EYS: variants seen among roughly 807,000 people sequenced by gnomAD.
The protein encoded by EYS is EGF-like photoreceptor maintenance factor, also known as protein eyes shut homolog.
A neutral mutation model predicts 282.1 loss-of-function variants in EYS; 250 were observed. The ratio of observed to expected loss-of-function variants is 0.89; its 90% CI spans 0.80 to 0.98. EYS has a LOEUF of 0.98. Ranked by LOEUF, EYS falls within the 50% of genes least tolerant of loss-of-function variation. The pLI, the probability that EYS is intolerant of heterozygous loss-of-function variation, is 0.00. For missense variants in EYS, 4,016 were observed against 3,709.0 expected, an observed-to-expected ratio of 1.08 and a Z score of -2.15; for synonymous variants, 1,355 against 1,282.9, an observed-to-expected ratio of 1.06 and a Z score of -1.20.
chr6:63,944,752 C>A (rs1277756328), intron 35 of EYS, among the ~76,000 whole-genome samples: 1 of 151,914 alleles, frequency 6.6e-6, no homozygotes, highest in African/African-American at 2.4e-5. Flanking sequence ...GTGGCAAAAC[C>A]CCGTCTCTAC....
intron 26 of EYS, among the ~76,000 whole-genome samples, chr6:64,531,234 C>A (rs1309611213): frequency 6.6e-6 from 1 of 152,110 alleles, no homozygotes; most frequent in African/African-American, 2.4e-5. Context: ...ATTACTCCCT[C>A]CTAAGAATAA....
At chr6:63,965,581 T>A (rs1003702435) in intron 35 of EYS, among the ~76,000 whole-genome samples, 2 of 152,216 alleles carry the variant, frequency 1.3e-5, no homozygotes, top group Admixed American at 6.5e-5. Context: ...CAGGTCTGCA[T>A]GAAAATGTAT....
chr6:65,100,401 G>C (rs1364149089), intron 12 of EYS, among the ~76,000 whole-genome samples: 1 of 150,610 alleles, frequency 6.6e-6, no homozygotes, highest in Non-Finnish European at 1.5e-5. Flanking sequence ...GGCATTCTAA[G>C]ATGAATGCAC....
At position 65,496,005 on chromosome 6, in the gene EYS, A is replaced by T. The variant is rs1476834985; in HGVS notation, c.-332-12T>A. The T allele has an allele frequency of 6.5e-6, 1 of 153,222 alleles. No individual in the cohort carries two copies. The highest frequency in any genetic ancestry group is 2.4e-5 in the African/African-American group (1 of 41,460). The allele number at this position is 153,222 out of a possible 1,614,324, so 9.5% of individuals were successfully genotyped here. ...TTTTCAAAAAACACCTTTAAAACGT[A>T]GAAGAGTAAACACCATTTAAACATA... On this transcript the variant is annotated splice_polypyrimidine_tract_variant and intron_variant, in intron 2 of 42. Transcript: ENST00000503581.
intron 12 of EYS, among the ~76,000 whole-genome samples, chr6:65,245,836 T>C (rs1220279962): frequency 1.3e-5 from 2 of 152,058 alleles, no homozygotes; most frequent in Non-Finnish European, 2.9e-5. Flanking sequence ...CTGAGGCCTC[T>C]TTTTCTGGCC....
At chr6:63,841,248 A>G (rs533957796) in intron 36 of EYS, among the ~76,000 whole-genome samples, 6 of 152,330 alleles carry the variant, frequency 3.9e-5, no homozygotes, top group African/African-American at 1.4e-4. Flanking sequence ...TAACATAATC[A>G]GTAATCATTT....
intron 15 of EYS, among the ~76,000 whole-genome samples, chr6:64,925,384 G>T (rs1269408286): frequency 6.6e-6 from 1 of 152,088 alleles, no homozygotes; most frequent in African/African-American, 2.4e-5. Context: ...TCTATCAGTG[G>T]AATAGACTCT....
chr6:65,337,182 A>C (rs1164962193), intron 10 of EYS, among the ~76,000 whole-genome samples: 1 of 151,510 alleles, frequency 6.6e-6, no homozygotes, highest in East Asian at 1.9e-4. Context: ...TTCTACATAG[A>C]GCTCAAAACA....
intron 12 of EYS, among the ~76,000 whole-genome samples, chr6:65,069,157 A>T (rs1773835225): frequency 6.6e-6 from 1 of 151,578 alleles, no homozygotes; most frequent in South Asian, 2.1e-4. Flanking sequence ...GTTTTGGGGG[A>T]TTCAGTATCT....
intron 33 of EYS, among the ~76,000 whole-genome samples, chr6:64,035,103 A>C (rs1770049025): frequency 6.6e-6 from 1 of 152,206 alleles, no homozygotes; most frequent in South Asian, 2.1e-4. Flanking sequence ...GTGGCAGTAC[A>C]CATGACAGGC....
At chr6:65,493,892 C>A (rs773644426) in intron 4 of EYS, among the ~76,000 whole-genome samples, 2 of 152,170 alleles carry the variant, frequency 1.3e-5, no homozygotes, top group Non-Finnish European at 2.9e-5. Context: ...TTATCTGTTC[C>A]TCTCCAATCC....
intron 5 of EYS, among the ~76,000 whole-genome samples, chr6:65,484,387 C>A (rs996000377): frequency 5.3e-5 from 8 of 152,280 alleles, no homozygotes; most frequent in South Asian, 2.1e-4. Context: ...CTGCCATCAT[C>A]TTTTCCAGAA....
chr6:63,875,049 C>T (rs1562072487), intron 35 of EYS, among the ~76,000 whole-genome samples: 1 of 152,074 alleles, frequency 6.6e-6, no homozygotes, highest in African/African-American at 2.4e-5. Flanking sequence ...TGTCTTGTGC[C>T]AGTTTTCAAA....
intron 30 of EYS, among the ~76,000 whole-genome samples, chr6:64,301,983 T>C (rs1769254881): frequency 6.6e-6 from 1 of 152,312 alleles, no homozygotes; most frequent in African/African-American, 2.4e-5. Flanking sequence ...CTCTGTTTAT[T>C]TACTGCAGAA....
chr6:63,882,198 T>G (rs1329301227), intron 35 of EYS, among the ~76,000 whole-genome samples: 3 of 152,226 alleles, frequency 2.0e-5, no homozygotes, highest in Admixed American at 6.5e-5. Flanking sequence ...ACTGTCCCAA[T>G]TCCTTTAGGA....
chr6:65,080,017 G>C (rs74365456), intron 12 of EYS, among the ~76,000 whole-genome samples: 3,952 of 152,138 alleles, frequency 0.026, 183 homozygotes, highest in African/African-American at 0.091. Flanking sequence ...AGAGGAAAAG[G>C]ATTTTTGAAT....
intron 14 of EYS, among the ~76,000 whole-genome samples, chr6:64,980,310 C>T (rs539056906): frequency 6.6e-6 from 1 of 151,478 alleles, no homozygotes; most frequent in African/African-American, 2.4e-5. Flanking sequence ...TCAGAGGAAT[C>T]AAGTTAAATC....
At position 65,001,449 on chromosome 6, in the gene EYS, C is replaced by G. The variant is rs77780741; in HGVS notation, c.2138-3746G>C. ...GTTCCTCCTCTTCTCTCTTTCTCTGCGGAAGAGTCCGTTGGTCTGCCTGTC... is the reference window on the plus strand; with the variant it reads ...GTTCCTCCTCTTCTCTCTTTCTCTGGGGAAGAGTCCGTTGGTCTGCCTGTC... On this transcript the variant is annotated intron_variant, in intron 13 of 42. Transcript: ENST00000503581. 8.1e-5 allele frequency among the ~76,000 whole-genome samples: 12 copies of G among 147,642 alleles called. 1 individual carries two copies. The South Asian group carries it at 2.6e-3, about 32-fold the overall frequency.
chr6:64,133,142 AC>A (rs201160560), intron 31 of EYS, among the ~76,000 whole-genome samples: 2 of 152,048 alleles, frequency 1.3e-5, no homozygotes. Flanking sequence ...ATTTTTTGTA[AC>A]AAAAAAGGAT....
Sources: allele counts gnomAD v4.1 joint callset (sites outside exome capture counted in the v4.1 genomes callset), GRCh38; gene constraint gnomAD v4.1.1; transcripts MANE v1.5; gene names NCBI Gene and HGNC (gene_info 2026-07-23, HGNC 2026-07-21).